EPHA3: variants seen among roughly 807,000 people sequenced by gnomAD.
EPHA3 encodes the protein EPH receptor A3.
EPHA3 carries 42 observed loss-of-function variants against 107.1 expected under a neutral mutation model. That is an observed-to-expected ratio of 0.39 (90% CI 0.31 to 0.51). The LOEUF (loss-of-function observed/expected upper bound fraction) is 0.51. Ranked by LOEUF, EPHA3 falls within the 20% of genes least tolerant of loss-of-function variation. The pLI, the probability that EPHA3 is intolerant of heterozygous loss-of-function variation, is 0.78. For missense variants in EPHA3, 1,183 were observed against 1,211.2 expected, an observed-to-expected ratio of 0.98 and a Z score of 0.35; for synonymous variants, 461 against 424.8, an observed-to-expected ratio of 1.09 and a Z score of -1.05.
rs560820690 is a variant in EPHA3, at chr3:89,244,944, A to G, written c.814+34424A>G. On this transcript the variant is annotated intron_variant, in intron 3 of 16. Coordinates refer to ENST00000336596, the MANE Select transcript of EPHA3 (RefSeq NM_005233.6). ...CAATTGCAGTTAACCCTGCAGATGA[A>G]CAGTTACGCTCTCATTATTCAGTGT... 2.0e-5 allele frequency among the ~76,000 whole-genome samples: 3 copies of G among 152,346 alleles called. No individual in the cohort carries two copies. In the East Asian group the frequency reaches 5.8e-4, roughly 29 times the overall value.
chr3:89,193,246 A>G (rs1185213537), intron 2 of EPHA3, among the ~76,000 whole-genome samples: 1 of 152,092 alleles, frequency 6.6e-6, no homozygotes, highest in East Asian at 1.9e-4. Flanking sequence ...TTTGTAGCTT[A>G]AGTAGCTGGC....
At chr3:89,251,496 G>A (rs1196358762) in intron 3 of EPHA3, among the ~76,000 whole-genome samples, 1 of 152,006 alleles carries the variant, frequency 6.6e-6, no homozygotes, top group Non-Finnish European at 1.5e-5. Context: ...TGTTAGATAT[G>A]TTTTGCATAA....
intron 5 of EPHA3, among the ~76,000 whole-genome samples, chr3:89,342,858 TACACACACACACACAC>T (rs144807058): frequency 7.2e-6 from 1 of 139,218 alleles, no homozygotes; most frequent in Non-Finnish European, 1.6e-5. Flanking sequence ...TTTTTACACA[TACACACACACACACAC>T]ACACACACAC....
chr3:89,305,344 T>C (rs1414718020), intron 3 of EPHA3, among the ~76,000 whole-genome samples: 1 of 152,150 alleles, frequency 6.6e-6, no homozygotes, highest in East Asian at 1.9e-4. Flanking sequence ...GCATGGCAAA[T>C]CATGCCATCT....
intron 15 of EPHA3, among the ~76,000 whole-genome samples, chr3:89,469,237 C>T (rs1710353788): frequency 6.6e-6 from 1 of 152,098 alleles, no homozygotes; most frequent in South Asian, 2.1e-4. Flanking sequence ...AAGAATCCTT[C>T]CCTTTCAACT....
intron 1 of EPHA3, among the ~76,000 whole-genome samples, chr3:89,117,380 T>G (rs1277984579): frequency 2.0e-5 from 3 of 152,100 alleles, no homozygotes; most frequent in Non-Finnish European, 4.4e-5. Context: ...TTGTTAGCAG[T>G]TAACATGTAT....
intron 3 of EPHA3, among the ~76,000 whole-genome samples, chr3:89,297,933 G>A (rs1022669586): frequency 1.3e-4 from 20 of 152,130 alleles, no homozygotes; most frequent in Middle Eastern, 3.2e-3. Flanking sequence ...TACTCAGGAG[G>A]TTGAGGCAAG....
rs185217246 is a variant in EPHA3, at chr3:89,212,869, T to C, written c.814+2349T>C. Reference sequence around the variant, plus strand: ...GGAATGCTAACTTTATTCCTTCTTCTTTTACATTAGCAGCTAAATAGAAAA... The same window carrying C: ...GGAATGCTAACTTTATTCCTTCTTCCTTTACATTAGCAGCTAAATAGAAAA... On this transcript the variant is annotated intron_variant, in intron 3 of 16. Transcript: ENST00000336596. Among the ~76,000 whole-genome samples, 6 of 152,160 alleles carry C rather than the reference T, an allele frequency of 3.9e-5. No homozygotes were observed. The East Asian group carries it at 1.2e-3, about 29-fold the overall frequency.
At chr3:89,114,969 G>A (rs1313558495) in intron 1 of EPHA3, among the ~76,000 whole-genome samples, 2 of 152,196 alleles carry the variant, frequency 1.3e-5, no homozygotes, top group Non-Finnish European at 2.9e-5. Flanking sequence ...ATTGCTGTCA[G>A]CTAGGCTTTT....
At chr3:89,364,435 G>C (rs1439276791) in intron 5 of EPHA3, among the ~76,000 whole-genome samples, 1 of 150,974 alleles carries the variant, frequency 6.6e-6, no homozygotes, top group East Asian at 1.9e-4. Flanking sequence ...AGATGAATCT[G>C]GTCAACAAGC....
intron 5 of EPHA3, among the ~76,000 whole-genome samples, chr3:89,347,548 T>G (rs1160417924): frequency 6.7e-6 from 1 of 149,126 alleles, no homozygotes; most frequent in African/African-American, 2.5e-5. Context: ...TATACAATCA[T>G]GTAGTCTGCA....
chr3:89,223,096 G>GT (rs1704418469), intron 3 of EPHA3, among the ~76,000 whole-genome samples: 1 of 152,130 alleles, frequency 6.6e-6, no homozygotes, highest in African/African-American at 2.4e-5. Flanking sequence ...AAGAACAGAA[G>GT]TAATTACCAG....
chr3:89,255,923 T>C (rs1309130408), intron 3 of EPHA3, among the ~76,000 whole-genome samples: 1 of 150,262 alleles, frequency 6.7e-6, no homozygotes, highest in South Asian at 2.1e-4. Flanking sequence ...AATAAATAAA[T>C]AAATAAAAAT....
chr3:89,253,736 T>A lies in EPHA3; in HGVS notation c.814+43216T>A, dbSNP rs1000044234. ...GTCAGTTAATAAGGAAGTTTCTGAC[T>A]AATAACAAAGCTCAAAATTAAGAAA... On this transcript the variant is annotated intron_variant, in intron 3 of 16. Transcript: ENST00000336596. 9.9e-5 allele frequency among the ~76,000 whole-genome samples: 15 copies of A among 152,254 alleles called. 1 individual carries two copies. The highest frequency in any genetic ancestry group is 3.4e-4 in the African/African-American group (14 of 41,572).
At chr3:89,445,373 A>G (rs188813290) in intron 13 of EPHA3, among the ~76,000 whole-genome samples, 1,525 of 152,306 alleles carry the variant, frequency 0.01, 27 homozygotes, top group African/African-American at 0.035. Flanking sequence ...TATCATATAT[A>G]AAAATATAAA....
At chr3:89,181,563 G>C (rs13097548) in intron 2 of EPHA3, among the ~76,000 whole-genome samples, 21,883 of 151,788 alleles carry the variant, frequency 0.14, 1,742 homozygotes, top group African/African-American at 0.22. Flanking sequence ...AGTGGAGAGA[G>C]ATATACTTAA....
chr3:89,355,148 A>G (rs1475125254), intron 5 of EPHA3, among the ~76,000 whole-genome samples: 3 of 151,150 alleles, frequency 2.0e-5, no homozygotes, highest in Non-Finnish European at 4.4e-5. Context: ...TCTGGTCACA[A>G]GTTTTTCCTA....
chr3:89,476,638 C>T (rs1167414996), intron 16 of EPHA3, among the ~76,000 whole-genome samples: 2 of 135,552 alleles, frequency 1.5e-5, no homozygotes, highest in East Asian at 2.0e-4. Context: ...GGCGGATTCT[C>T]GCTCTGTCGC....
chr3:89,273,111 C>A (rs796730886), intron 3 of EPHA3, among the ~76,000 whole-genome samples: 1 of 151,856 alleles, frequency 6.6e-6, no homozygotes, highest in Non-Finnish European at 1.5e-5. Flanking sequence ...AATTTTTTAA[C>A]GTTTGTATGC....
Sources: gnomAD v4.1 joint callset for allele counts (sites outside exome capture counted in the v4.1 genomes callset) on GRCh38, gnomAD v4.1.1 for gene constraint, MANE v1.5 for transcripts, NCBI Gene and HGNC (gene_info 2026-07-23, HGNC 2026-07-21) for gene names.